Variants in PTPRD observed in about 807,000 individuals in gnomAD.
PTPRD encodes the protein protein tyrosine phosphatase receptor type D.
PTPRD carries 34 observed loss-of-function variants against 214.5 expected under a neutral mutation model. The observed-to-expected ratio is 0.16, with a 90% CI of 0.12 to 0.21. The LOEUF is 0.21. Ranked by LOEUF, PTPRD falls within the 10% of genes least tolerant of loss-of-function variation. The probability of loss-of-function intolerance (pLI) is 1.00; values close to 1 mark genes in which losing one functional copy is unlikely to be tolerated. For synonymous variants in PTPRD, 1,128 were observed against 845.7 expected, an observed-to-expected ratio of 1.33 and a Z score of -5.79; for missense variants, 2,545 against 2,398.7, an observed-to-expected ratio of 1.06 and a Z score of -1.27.
intron 3 of PTPRD, among the ~76,000 whole-genome samples, chr9:10,303,124 A>C (rs1335137660): frequency 6.6e-6 from 1 of 152,246 alleles, no homozygotes; most frequent in Non-Finnish European, 1.5e-5. Flanking sequence ...AAACTGCACA[A>C]CTACATATAA....
intron 3 of PTPRD, among the ~76,000 whole-genome samples, chr9:10,338,217 T>C (rs143349928): frequency 9.4e-4 from 143 of 151,748 alleles, no homozygotes; most frequent in African/African-American, 3.3e-3. Context: ...CTCAGCACAA[T>C]TGGCTACCAG....
At chr9:8,474,204 T>A (rs1042330046) in intron 30 of PTPRD, among the ~76,000 whole-genome samples, 1 of 152,134 alleles carries the variant, frequency 6.6e-6, no homozygotes, top group Non-Finnish European at 1.5e-5. Context: ...ACAAACCCCT[T>A]CTTTTTTGAA....
intron 11 of PTPRD, among the ~76,000 whole-genome samples, chr9:8,815,100 ATAATT>A (rs1307662345): frequency 1.1e-4 from 16 of 146,228 alleles, no homozygotes; most frequent in Admixed American, 1.3e-4. Context: ...ATCACTTTAT[ATAATT>A]TAGTTTTTTT....
intron 11 of PTPRD, among the ~76,000 whole-genome samples, chr9:8,753,785 C>T (rs1242149322): frequency 1.3e-5 from 2 of 152,126 alleles, no homozygotes; most frequent in African/African-American, 2.4e-5. Flanking sequence ...AATTAGATAG[C>T]ATGATCAATA....
intron 11 of PTPRD, among the ~76,000 whole-genome samples, chr9:8,936,929 A>C (rs2099001730): frequency 6.6e-6 from 1 of 152,162 alleles, no homozygotes; most frequent in Non-Finnish European, 1.5e-5. Flanking sequence ...TTTACTTACT[A>C]ATCCATTCTT....
intron 7 of PTPRD, among the ~76,000 whole-genome samples, chr9:9,599,119 C>G (rs2093574595): frequency 6.6e-6 from 1 of 151,972 alleles, no homozygotes; most frequent in African/African-American, 2.4e-5. Flanking sequence ...TGACTCTATA[C>G]AGTAAATGAA....
chr9:10,546,532 T>C (rs965535023), intron 2 of PTPRD, among the ~76,000 whole-genome samples: 3 of 151,774 alleles, frequency 2.0e-5, no homozygotes, highest in Non-Finnish European at 4.4e-5. Context: ...CCTAGGAAAA[T>C]ATCAGGGTCT....
intron 44 of PTPRD, among the ~76,000 whole-genome samples, chr9:8,330,169 C>T (rs568362483): frequency 6.6e-6 from 1 of 152,224 alleles, no homozygotes; most frequent in Admixed American, 6.5e-5. Flanking sequence ...TGAGGCAACG[C>T]CACACCCTGC....
intron 9 of PTPRD, among the ~76,000 whole-genome samples, chr9:9,393,413 G>A (rs1355729377): frequency 2.0e-5 from 3 of 152,124 alleles, no homozygotes; most frequent in African/African-American, 4.8e-5. Flanking sequence ...TATATGGAAA[G>A]GATATATGGA....
intron 2 of PTPRD, among the ~76,000 whole-genome samples, chr9:10,383,162 C>T (rs2097853343): frequency 6.6e-6 from 1 of 151,848 alleles, no homozygotes; most frequent in East Asian, 1.9e-4. Flanking sequence ...AAACCATGAA[C>T]TTACAGGTAT....
rs956937994 is a variant in PTPRD, at chr9:10,612,994, C to A, written c.-1014G>T. ...TCGCTGGCGCTCCCTCCTCGTCTCG[C>A]TCGCACTCACAGGCACACACCCCAC... On this transcript the variant is annotated 5_prime_UTR_variant, in exon 1 of 46. Coordinates refer to ENST00000381196, the MANE Select transcript of PTPRD (RefSeq NM_002839.4). 1.3e-5 allele frequency among the ~76,000 whole-genome samples: 2 copies of A among 151,364 alleles called. No homozygotes were observed. Among genetic ancestry groups the A allele is most frequent in the Non-Finnish European group, 3.0e-5 (2 of 67,748 alleles).
intron 10 of PTPRD, among the ~76,000 whole-genome samples, chr9:9,050,981 C>G (rs1299031888): frequency 6.6e-6 from 1 of 152,086 alleles, no homozygotes; most frequent in Non-Finnish European, 1.5e-5. Context: ...TGTACTAAAA[C>G]AAAAATTAGA....
chr9:9,139,674 T>C (rs1413912272), intron 10 of PTPRD, among the ~76,000 whole-genome samples: 1 of 152,156 alleles, frequency 6.6e-6, no homozygotes, highest in Non-Finnish European at 1.5e-5. Context: ...ATCATGCTTC[T>C]CAGAATGGTG....
At chr9:10,096,911 T>C (rs190090074) in intron 3 of PTPRD, among the ~76,000 whole-genome samples, 8 of 152,216 alleles carry the variant, frequency 5.3e-5, no homozygotes, top group African/African-American at 1.9e-4. Context: ...TGAATTAATT[T>C]TTTTAAGATG....
chr9:9,602,125 A>T (rs2093815364), intron 7 of PTPRD, among the ~76,000 whole-genome samples: 1 of 152,106 alleles, frequency 6.6e-6, no homozygotes, highest in Non-Finnish European at 1.5e-5. Context: ...TCATAAAAGC[A>T]GACAACATTG....
intron 9 of PTPRD, among the ~76,000 whole-genome samples, chr9:9,287,916 G>A (rs1167416567): frequency 6.6e-6 from 1 of 151,570 alleles, no homozygotes; most frequent in African/African-American, 2.4e-5. Context: ...GCCTTTGAAA[G>A]CATGACTTTT....
chr9:10,221,282 C>T (rs1295246385), intron 3 of PTPRD, among the ~76,000 whole-genome samples: 2 of 151,974 alleles, frequency 1.3e-5, no homozygotes, highest in Non-Finnish European at 2.9e-5. Context: ...CATATTCATG[C>T]TCACGTGCGC....
At chr9:10,057,469 T>G (rs919616802) in intron 3 of PTPRD, among the ~76,000 whole-genome samples, 1 of 151,290 alleles carries the variant, frequency 6.6e-6, no homozygotes, top group Non-Finnish European at 1.5e-5. Flanking sequence ...TTCGCACTCT[T>G]TCTTTCATAG....
chr9:8,881,338 T>A (rs372957628), intron 11 of PTPRD, among the ~76,000 whole-genome samples: 1 of 152,226 alleles, frequency 6.6e-6, no homozygotes, highest in Admixed American at 6.5e-5. Flanking sequence ...AAGTTTTCCA[T>A]GAATATTTTT....
Sources: gnomAD v4.1 joint callset for allele counts (sites outside exome capture counted in the v4.1 genomes callset) on GRCh38, gnomAD v4.1.1 for gene constraint, MANE v1.5 for transcripts, NCBI Gene and HGNC (gene_info 2026-07-23, HGNC 2026-07-21) for gene names.